The following GPR158 variants were observed in gnomAD, a reference collection of about 807,000 sequenced individuals.
GPR158 encodes the protein metabotropic glycine receptor.
Under a neutral mutation model 78.2 loss-of-function variants are expected in GPR158, and 30 were observed. The observed-to-expected ratio is 0.38, with a 90% CI of 0.29 to 0.52. The LOEUF (loss-of-function observed/expected upper bound fraction) is 0.52. Ranked by LOEUF, GPR158 falls within the 20% of genes least tolerant of loss-of-function variation. The probability of loss-of-function intolerance (pLI) is 0.83; values close to 1 mark genes in which losing one functional copy is unlikely to be tolerated. For missense variants in GPR158, 1,463 were observed against 1,523.5 expected (o/e 0.96, Z 0.66); for synonymous variants, 581 against 591.1 (o/e 0.98, Z 0.25).
In GPR158 at chr10:25,433,690, C is replaced by CTTTTT. The variant is rs776105443; in HGVS notation, c.1335+21220_1335+21221insTTTTT. ...GGCATTTTCCTTTCTTTCTTTCTTT[C>CTTTTT]TTTCTTTTTTTTTTTTTTTTTGGTA... On this transcript the variant is annotated intron_variant, in intron 4 of 10. Transcript: ENST00000376351. Among the ~76,000 whole-genome samples, 27 of 93,254 alleles carry CTTTTT rather than the reference C, an allele frequency of 2.9e-4. 3 individuals are homozygous for CTTTTT. The highest frequency in any genetic ancestry group is 3.5e-4 in the Non-Finnish European group (15 of 43,300). The allele number at this position is 93,254 out of a possible 152,430, so 61.2% of individuals were successfully genotyped here.
intron 2 of GPR158, among the ~76,000 whole-genome samples, chr10:25,393,126 T>C (rs1264971641): frequency 1.3e-5 from 2 of 152,250 alleles, no homozygotes; most frequent in Non-Finnish European, 2.9e-5. Flanking sequence ...GTACCAGATC[T>C]AATCAATTCA....
chr10:25,574,338 A>C (rs996975345), intron 7 of GPR158, among the ~76,000 whole-genome samples: 2 of 152,108 alleles, frequency 1.3e-5, no homozygotes, highest in African/African-American at 2.4e-5. Flanking sequence ...AGAATTATAT[A>C]ATCGATAGTA....
rs1261702116 is a variant in GPR158, at chr10:25,589,088, A to G, written c.1835A>G (p.Tyr612Cys). The change falls in exon 8 of 11, where the codon TAT becomes TGT. Residue 612 changes from tyrosine to cysteine, a missense_variant. Tyr to Cys is a radical substitution (Grantham distance 194). Coordinates refer to ENST00000376351, the MANE Select transcript of GPR158 (RefSeq NM_020752.3). ...TVPSAFHEPR[Y>C]MAVAVHNELI... ...CCATCGGCATTCCATGAGCCCCGCT[A>G]TATGGCTGTTGCAGTTCACAATGAG... The G allele has an allele frequency of 1.2e-6, 2 of 1,612,366 alleles. No homozygotes were observed. The highest frequency in any genetic ancestry group is 1.3e-5 in the African/African-American group (1 of 74,916).
intron 8 of GPR158, among the ~76,000 whole-genome samples, chr10:25,590,495 A>G (rs969503412): frequency 6.6e-6 from 1 of 152,220 alleles, no homozygotes; most frequent in African/African-American, 2.4e-5. Context: ...TGAGCACCAT[A>G]GAATGTCTCC....
At chr10:25,570,542 T>G (rs1836991522) in intron 6 of GPR158, among the ~76,000 whole-genome samples, 1 of 152,188 alleles carries the variant, frequency 6.6e-6, no homozygotes, top group Non-Finnish European at 1.5e-5. Flanking sequence ...ATTTTAAAAT[T>G]TCTTCACTTC....
intron 2 of GPR158, among the ~76,000 whole-genome samples, chr10:25,237,049 C>T (rs911327227): frequency 3.3e-5 from 5 of 151,956 alleles, no homozygotes; most frequent in South Asian, 2.1e-4. Flanking sequence ...ATTAATAATC[C>T]GGAGTGATCG....
At chr10:25,235,246 C>T (rs1455546754) in intron 2 of GPR158, among the ~76,000 whole-genome samples, 1 of 152,106 alleles carries the variant, frequency 6.6e-6, no homozygotes, top group Non-Finnish European at 1.5e-5. Flanking sequence ...GTTCTCTTTC[C>T]TTCTACATTA....
chr10:25,390,080 CT>C (rs766952398), intron 2 of GPR158, among the ~76,000 whole-genome samples: 1 of 152,208 alleles, frequency 6.6e-6, no homozygotes, highest in East Asian at 1.9e-4. Flanking sequence ...TTTGGCTCCT[CT>C]TTTGCCCTCC....
intron 4 of GPR158, among the ~76,000 whole-genome samples, chr10:25,449,564 G>A (rs1012417249): frequency 3.9e-5 from 6 of 152,182 alleles, no homozygotes; most frequent in African/African-American, 1.4e-4. Context: ...GACTTTCCTA[G>A]GAGAGAGTAG....
intron 2 of GPR158, among the ~76,000 whole-genome samples, chr10:25,257,780 C>T (rs745334737): frequency 6.6e-6 from 1 of 152,020 alleles, no homozygotes; most frequent in Non-Finnish European, 1.5e-5. Context: ...CTATACTTTG[C>T]GAGTTACATG....
intron 2 of GPR158, among the ~76,000 whole-genome samples, chr10:25,228,055 T>C (rs1853398608): frequency 6.6e-6 from 1 of 152,218 alleles, no homozygotes; most frequent in African/African-American, 2.4e-5. Context: ...GTTTTTTCTC[T>C]ACTTCTACTT....
At chr10:25,573,570 CAT>C (rs1476241950) in intron 7 of GPR158, among the ~76,000 whole-genome samples, 1 of 152,174 alleles carries the variant, frequency 6.6e-6, no homozygotes, top group African/African-American at 2.4e-5. Flanking sequence ...GAGGAAAACA[CAT>C]AGGAATTTTT....
rs148749730 is a variant in GPR158, at chr10:25,235,426, C to CT, written c.1008+14283dup. ...TCTCACATGGTTATTTCTCTTCTTCCTTTTTTTTTTTTTTAATGGCAAGAG... is the reference window on the plus strand; with the variant it reads ...TCTCACATGGTTATTTCTCTTCTTCCTTTTTTTTTTTTTTTAATGGCAAGAG... On this transcript the variant is annotated intron_variant, in intron 2 of 10. Coordinates refer to ENST00000376351, the MANE Select transcript of GPR158 (RefSeq NM_020752.3). Among the ~76,000 whole-genome samples, 635 of 137,880 alleles carry CT rather than the reference C, an allele frequency of 4.6e-3. 6 individuals carry two copies. The highest frequency in any genetic ancestry group is 0.016 in the Admixed American group (217 of 13,730). 90.5% of individuals were successfully genotyped at this position (137,880 alleles called of 152,430 possible).
At chr10:25,567,795 C>G (rs1286690920) in intron 6 of GPR158, among the ~76,000 whole-genome samples, 2 of 152,090 alleles carry the variant, frequency 1.3e-5, no homozygotes, top group African/African-American at 4.8e-5. Flanking sequence ...GCAATACGAT[C>G]AGATGCACAA....
intron 2 of GPR158, among the ~76,000 whole-genome samples, chr10:25,252,813 A>T (rs1439904824): frequency 2.6e-5 from 4 of 152,056 alleles, no homozygotes; most frequent in Non-Finnish European, 5.9e-5. Flanking sequence ...AGAGGCAGGC[A>T]GGCCTCCTTG....
At chr10:25,387,697 G>A (rs1378238132) in intron 2 of GPR158, among the ~76,000 whole-genome samples, 1 of 151,902 alleles carries the variant, frequency 6.6e-6, no homozygotes, top group Non-Finnish European at 1.5e-5. Context: ...TGTATTTTTA[G>A]CAGAGACAGG....
intron 5 of GPR158, among the ~76,000 whole-genome samples, chr10:25,541,849 GC>G (rs1409106266): frequency 6.6e-6 from 1 of 150,734 alleles, no homozygotes; most frequent in Non-Finnish European, 1.5e-5. Flanking sequence ...AGGATTGTTG[GC>G]AGCATAGCAA....
intron 5 of GPR158, among the ~76,000 whole-genome samples, chr10:25,468,459 G>T (rs1031347178): frequency 6.6e-6 from 1 of 152,162 alleles, no homozygotes; most frequent in Non-Finnish European, 1.5e-5. Context: ...AATTTGTGAG[G>T]AAGGTTAAAT....
rs200489721 is a variant in GPR158 at position 25,598,111 on chromosome 10, G to C, written c.2485G>C (p.Glu829Gln). The change falls in exon 11 of 11, where the codon GAA becomes CAA. Residue 829 changes from glutamate to glutamine, a missense_variant. By Grantham distance (29) the Glu-to-Gln change is conservative. Transcript: ENST00000376351. Reference protein sequence around the residue: ...STYDHVRDQTEESSSLPTESQ... With the variant: ...STYDHVRDQTQESSSLPTESQ... The stretch of plus-strand genomic sequence containing the variant: ...TTATGACCACGTGAGAGACCAAACG[G>C]AAGAGTCCAGTAGCCTACCCACAGA... The C allele has an allele frequency of 1.2e-6, 2 of 1,614,070 alleles. No individual in the cohort carries two copies. The highest frequency in any genetic ancestry group is 2.2e-5 in the East Asian group (1 of 44,874).
Sources: allele counts gnomAD v4.1 joint callset (sites outside exome capture counted in the v4.1 genomes callset), GRCh38; gene constraint gnomAD v4.1.1; transcripts MANE v1.5; gene names NCBI Gene and HGNC (gene_info 2026-07-23, HGNC 2026-07-21).